Variants in PRKCE observed in about 807,000 individuals in gnomAD.
PRKCE encodes protein kinase C epsilon type.
Under a neutral mutation model 85.4 loss-of-function variants are expected in PRKCE, and 16 were observed. The ratio of observed to expected loss-of-function variants is 0.19; its 90% CI spans 0.13 to 0.28. PRKCE has a LOEUF of 0.28. Ranked by LOEUF, PRKCE falls within the 10% of genes least tolerant of loss-of-function variation. The pLI, the probability that PRKCE is intolerant of heterozygous loss-of-function variation, is 1.00. For missense variants in PRKCE, 573 were observed against 975.2 expected (o/e 0.59, Z 5.49); for synonymous variants, 388 against 371.5 (o/e 1.04, Z -0.51).
At chr2:45,962,691 C>A (rs1298145786) in intron 2 of PRKCE, among the ~76,000 whole-genome samples, 19 of 152,162 alleles carry the variant, frequency 1.2e-4, no homozygotes. Flanking sequence ...GTTGCCAAGC[C>A]TTAAGGCCCG....
intron 10 of PRKCE, chr2:46,010,894 A>G (rs913693685): frequency 2.7e-6 from 4 of 1,482,922 alleles, no homozygotes; most frequent in Admixed American, 2.3e-5. Context: ...TCATATGAAA[A>G]AGAGTAAAGG....
At chr2:45,674,329 G>C (rs1435095927) in intron 1 of PRKCE, among the ~76,000 whole-genome samples, 1 of 152,180 alleles carries the variant, frequency 6.6e-6, no homozygotes, top group African/African-American at 2.4e-5. Flanking sequence ...GAAGAGTGCT[G>C]TGGAGGAGGC....
intron 1 of PRKCE, among the ~76,000 whole-genome samples, chr2:45,785,218 C>T (rs1197638816): frequency 6.6e-6 from 1 of 152,142 alleles, no homozygotes; most frequent in East Asian, 1.9e-4. Context: ...AGGCCAGGCA[C>T]GGTGGCGCAC....
chr2:45,958,560 T>G (rs1701139281), intron 2 of PRKCE, among the ~76,000 whole-genome samples: 1 of 149,992 alleles, frequency 6.7e-6, no homozygotes, highest in African/African-American at 2.4e-5. Flanking sequence ...CAACTCCCTT[T>G]CACACTACAA....
In PRKCE at chr2:46,162,772, G is replaced by T. The variant is rs562702979; in HGVS notation, c.2067+3020G>T. ...TAAATGTCTGACATTTACAACCTTG[G>T]CACTAGAGATTTCTCTCAGGAGAAA... On this transcript the variant is annotated intron_variant, in intron 14 of 14. Transcript: ENST00000306156. Among the ~76,000 whole-genome samples the T allele has an allele frequency of 5.5e-4, 84 of 152,218 alleles. 1 individual carries two copies. Among genetic ancestry groups the T allele is most frequent in the African/African-American group, 2.0e-3 (82 of 41,524 alleles).
At chr2:45,655,517 G>A (rs900743493) in intron 1 of PRKCE, among the ~76,000 whole-genome samples, 6 of 152,148 alleles carry the variant, frequency 3.9e-5, no homozygotes, top group African/African-American at 1.4e-4. Context: ...TACCATTAGT[G>A]TGTTAAGAGT....
At chr2:45,674,997 C>T (rs1403388516) in intron 1 of PRKCE, 1 of 152,178 alleles carries the variant, frequency 6.6e-6, no homozygotes, top group African/African-American at 2.4e-5. Context: ...ATCTTAATTT[C>T]CATTTGCCTT....
intron 10 of PRKCE, among the ~76,000 whole-genome samples, chr2:46,019,686 C>G (rs909149510): frequency 2.6e-5 from 4 of 151,970 alleles, no homozygotes; most frequent in Non-Finnish European, 5.9e-5. Context: ...CCTTACGTGT[C>G]TTTTCACTTG....
At chr2:45,835,556 C>T (rs568952443) in intron 1 of PRKCE, among the ~76,000 whole-genome samples, 6 of 151,052 alleles carry the variant, frequency 4.0e-5, no homozygotes, top group African/African-American at 1.2e-4. Context: ...TGGCTTCTTT[C>T]ACATAGCATC....
At chr2:45,994,511 C>T (rs917777003) in intron 6 of PRKCE, among the ~76,000 whole-genome samples, 1 of 152,184 alleles carries the variant, frequency 6.6e-6, no homozygotes, top group Non-Finnish European at 1.5e-5. Context: ...TTTACCTTTT[C>T]CAGAATGTCC....
intron 1 of PRKCE, among the ~76,000 whole-genome samples, chr2:45,817,067 G>C (rs1265728803): frequency 2.3e-4 from 1 of 4,266 alleles, no homozygotes; most frequent in African/African-American, 1.1e-3. Context: ...TGTAAGTAGA[G>C]TGTGTGTGTG....
At chr2:45,878,414 G>T (rs192619776) in intron 2 of PRKCE, among the ~76,000 whole-genome samples, 5 of 152,296 alleles carry the variant, frequency 3.3e-5, no homozygotes, top group African/African-American at 1.2e-4. Context: ...CTTATCCTGA[G>T]TCTGGGCCTA....
chr2:45,712,990 C>T (rs147852182), intron 1 of PRKCE, among the ~76,000 whole-genome samples: 102 of 152,276 alleles, frequency 6.7e-4, no homozygotes, highest in African/African-American at 2.4e-3. Flanking sequence ...GACACTGTCG[C>T]CTTGCATCTG....
At chr2:45,767,890 A>G (rs1471362217) in intron 1 of PRKCE, among the ~76,000 whole-genome samples, 1 of 152,244 alleles carries the variant, frequency 6.6e-6, no homozygotes, top group African/African-American at 2.4e-5. Context: ...ACCAAGGGAT[A>G]GAAAACATTT....
chr2:46,006,326 TAGTCA>T (rs1475802650), intron 8 of PRKCE, among the ~76,000 whole-genome samples: 2 of 152,228 alleles, frequency 1.3e-5, no homozygotes, highest in African/African-American at 4.8e-5. Flanking sequence ...AAAAGTTATT[TAGTCA>T]AGCTAAGTGA....
chr2:45,676,896 C>A (rs1676483215), intron 1 of PRKCE: 1 of 152,164 alleles, frequency 6.6e-6, no homozygotes, highest in Non-Finnish European at 1.5e-5. Context: ...TAGATAGGTA[C>A]CCTAATCTCA....
rs1381806501 is a variant in PRKCE at position 46,159,719 on chromosome 2, G to A, written c.2034G>A (p.Gln678=). 1 of 1,599,344 alleles carries A rather than the reference G, an allele frequency of 6.3e-7. No individual in the cohort carries two copies. Among genetic ancestry groups the A allele is most frequent in the Non-Finnish European group, 8.5e-7 (1 of 1,179,814 alleles). ...AGATTGACTGGGTGCTCCTGGAGCA[G>A]AAGAAGATCAAGCCACCCTTCAAAC... is the stretch of plus-strand genomic sequence containing the variant. ...FKEIDWVLLE[Q]KKIKPPFKPR... Residue 678 remains glutamine (Q), a synonymous_variant, in exon 14 of 15, where the codon CAG becomes CAA. Transcript: ENST00000306156. The surrounding 1 kb of genome is among the most constrained non-coding windows in gnomAD (Gnocchi z 4.1).
chr2:45,757,987 T>A (rs1347516319), intron 1 of PRKCE, among the ~76,000 whole-genome samples: 2 of 152,086 alleles, frequency 1.3e-5, no homozygotes, highest in African/African-American at 4.8e-5. Context: ...CTGGGGACAA[T>A]GTTAAAGGCA....
At chr2:46,088,575 C>G (rs1558441029) in intron 11 of PRKCE, among the ~76,000 whole-genome samples, 1 of 152,200 alleles carries the variant, frequency 6.6e-6, no homozygotes, top group African/African-American at 2.4e-5. Flanking sequence ...TATTCTTAAT[C>G]TACATGCTCT....
Sources: gnomAD v4.1 joint callset for allele counts (sites outside exome capture counted in the v4.1 genomes callset) on GRCh38, gnomAD v4.1.1 for gene constraint, Gnocchi (gnomAD v3.1) non-coding constraint, MANE v1.5 for transcripts, NCBI Gene and HGNC (gene_info 2026-07-23, HGNC 2026-07-21) for gene names.